PLCB1: variants seen among roughly 807,000 people sequenced by gnomAD.
PLCB1 encodes the protein 1-phosphatidylinositol 4,5-bisphosphate phosphodiesterase beta-1.
In PLCB1, 46 loss-of-function variants were observed where a neutral mutation model predicts 161.8. That is an observed-to-expected ratio of 0.28 (90% CI 0.22 to 0.36). PLCB1 has a LOEUF of 0.36. Ranked by LOEUF, PLCB1 falls within the 10% of genes least tolerant of loss-of-function variation. The pLI is 1.00. For synonymous variants in PLCB1, 517 were observed against 503.7 expected, an observed-to-expected ratio of 1.03 and a Z score of -0.35; for missense variants, 1,016 against 1,472.5, an observed-to-expected ratio of 0.69 and a Z score of 5.07.
At chr20:8,735,716 G>GTTGT (rs1277417414) in intron 19 of PLCB1, among the ~76,000 whole-genome samples, 3 of 152,150 alleles carry the variant, frequency 2.0e-5, no homozygotes, top group African/African-American at 7.2e-5. Flanking sequence ...TAACTTAGAA[G>GTTGT]TTTCAAACAT....
chr20:8,217,380 C>A (rs1979189583), intron 2 of PLCB1, among the ~76,000 whole-genome samples: 1 of 151,952 alleles, frequency 6.6e-6, no homozygotes, highest in South Asian at 2.1e-4. Flanking sequence ...AAGAAGAAAC[C>A]AAGGGACTGA....
Position 8,711,176 on chromosome 20 carries a change from T to G in PLCB1, c.1250+2424T>G, listed in dbSNP as rs75984057. On this transcript the variant is annotated intron_variant, in intron 12 of 31. Transcript: ENST00000338037. ...AGAGATGGGATTCCAATCCAGTTAG[T>G]GTGGCTTCAAAATGCACACTTTTAA... Among the ~76,000 whole-genome samples the G allele has an allele frequency of 3.4e-3, 514 of 152,350 alleles. 2 individuals carry two copies. Among genetic ancestry groups the G allele is most frequent in the Non-Finnish European group, 6.2e-3 (423 of 68,020 alleles).
At chr20:8,822,256 A>T (rs1323382525) in intron 31 of PLCB1, among the ~76,000 whole-genome samples, 3 of 152,174 alleles carry the variant, frequency 2.0e-5, no homozygotes, top group Non-Finnish European at 4.4e-5. Context: ...CTTATTTTTT[A>T]AATTGGGGAA....
At chr20:8,298,436 A>G (rs570949584) in intron 2 of PLCB1, among the ~76,000 whole-genome samples, 8 of 152,208 alleles carry the variant, frequency 5.3e-5, no homozygotes, top group Admixed American at 2.0e-4. Flanking sequence ...GAGAAAAACC[A>G]ACATATTTTT....
At chr20:8,774,750 G>A (rs748321092) in intron 27 of PLCB1, 31 bp downstream of exon 27, 1 of 1,552,246 alleles carries the variant, frequency 6.4e-7, no homozygotes, top group Non-Finnish European at 8.8e-7. Context: ...TTATGTTTGT[G>A]CAACTGGAAC....
chr20:8,760,666 C>A (rs1192679700), intron 25 of PLCB1, among the ~76,000 whole-genome samples: 1 of 152,164 alleles, frequency 6.6e-6, no homozygotes, highest in Non-Finnish European at 1.5e-5. Flanking sequence ...GTAGCTAGAA[C>A]CCTACTGGCA....
chr20:8,479,165 T>C (rs937889716), intron 3 of PLCB1, among the ~76,000 whole-genome samples: 7 of 152,194 alleles, frequency 4.6e-5, no homozygotes, highest in African/African-American at 1.7e-4. Context: ...ACTTTGCTTG[T>C]TTATTTGTTT....
chr20:8,190,752 A>G (rs1288086442), intron 2 of PLCB1, among the ~76,000 whole-genome samples: 3 of 152,116 alleles, frequency 2.0e-5, no homozygotes, highest in Non-Finnish European at 2.9e-5. Flanking sequence ...CCATTTAATA[A>G]GTAACTAGAG....
chr20:8,611,302 T>C (rs1987897112), intron 3 of PLCB1, among the ~76,000 whole-genome samples: 1 of 152,048 alleles, frequency 6.6e-6, no homozygotes, highest in African/African-American at 2.4e-5. Flanking sequence ...TAATTCTTAG[T>C]TTTAAAATTC....
intron 3 of PLCB1, among the ~76,000 whole-genome samples, chr20:8,502,272 G>T (rs1161056497): frequency 1.3e-5 from 2 of 151,958 alleles, no homozygotes; most frequent in African/African-American, 4.8e-5. Context: ...CACTTGACAT[G>T]AACTATTCTG....
chr20:8,796,244 A>G (rs1416832931), intron 31 of PLCB1, among the ~76,000 whole-genome samples: 2 of 152,060 alleles, frequency 1.3e-5, no homozygotes, highest in East Asian at 3.9e-4. Context: ...AAGGGAATAT[A>G]GACTGATTTT....
At chr20:8,320,071 G>A (rs1984840301) in intron 2 of PLCB1, among the ~76,000 whole-genome samples, 1 of 152,112 alleles carries the variant, frequency 6.6e-6, no homozygotes, top group South Asian at 2.1e-4. Context: ...AGACATGTGA[G>A]GTCCGGGGGC....
chr20:8,150,974 G>C (rs750431925), intron 2 of PLCB1, among the ~76,000 whole-genome samples: 4 of 152,152 alleles, frequency 2.6e-5, no homozygotes, highest in Non-Finnish European at 4.4e-5. Flanking sequence ...TGATGATTCT[G>C]TACTGAATTA....
At chr20:8,355,278 A>G (rs1368725984) in intron 2 of PLCB1, among the ~76,000 whole-genome samples, 1 of 150,566 alleles carries the variant, frequency 6.6e-6, no homozygotes, top group Non-Finnish European at 1.5e-5. Flanking sequence ...TTATTTGGAG[A>G]TCATAGGTAC....
chr20:8,718,226 A>AAG (rs1359555973), intron 14 of PLCB1, among the ~76,000 whole-genome samples: 1 of 152,090 alleles, frequency 6.6e-6, no homozygotes, highest in Non-Finnish European at 1.5e-5. Flanking sequence ...CTCAAAAAAA[A>AAG]AAGAATTTGC....
chr20:8,549,379 C>G (rs986715249), intron 3 of PLCB1, among the ~76,000 whole-genome samples: 1 of 152,084 alleles, frequency 6.6e-6, no homozygotes, highest in Non-Finnish European at 1.5e-5. Context: ...GTCCAGGTGG[C>G]TAAGGGACTG....
chr20:8,741,654 C>T (rs1361994917), intron 23 of PLCB1, 81 bp downstream of exon 23: 1 of 825,502 alleles, frequency 1.2e-6, no homozygotes, highest in Non-Finnish European at 2.1e-6. Context: ...AGTAATATCA[C>T]ATACCTTGGG....
chr20:8,341,255 A>G (rs1470070136), intron 2 of PLCB1, among the ~76,000 whole-genome samples: 1 of 152,216 alleles, frequency 6.6e-6, no homozygotes, highest in East Asian at 1.9e-4. Flanking sequence ...AACTCCTTAG[A>G]AAGTCTTCAT....
chr20:8,849,912 C>T (rs1390579465), intron 31 of PLCB1, among the ~76,000 whole-genome samples: 1 of 151,792 alleles, frequency 6.6e-6, no homozygotes, highest in African/African-American at 2.4e-5. Context: ...ACTTGGGAGG[C>T]TGAGGCAGGA....
Sources: gnomAD v4.1 joint callset for allele counts (sites outside exome capture counted in the v4.1 genomes callset) on GRCh38, gnomAD v4.1.1 for gene constraint, MANE v1.5 for transcripts, NCBI Gene and HGNC (gene_info 2026-07-23, HGNC 2026-07-21) for gene names.